The following ULK4 variants were observed in gnomAD, a reference collection of about 807,000 sequenced individuals.
The protein encoded by ULK4 is unc-51 like kinase 4.
ULK4 carries 133 observed loss-of-function variants against 160.6 expected under a neutral mutation model. The observed-to-expected ratio is 0.83, with a 90% CI of 0.72 to 0.96. ULK4 has a LOEUF of 0.96. Ranked by LOEUF, ULK4 falls within the 40% of genes least tolerant of loss-of-function variation. ULK4 has a pLI of 0.00. For missense variants in ULK4, 1,580 were observed against 1,499.5 expected (o/e 1.05, Z -0.89); for synonymous variants, 534 against 539.8 (o/e 0.99, Z 0.15).
At chr3:41,345,270 C>G (rs1005777127) in intron 35 of ULK4, among the ~76,000 whole-genome samples, 4 of 152,186 alleles carry the variant, frequency 2.6e-5, no homozygotes, top group Non-Finnish European at 5.9e-5. Flanking sequence ...AATCCCATTA[C>G]TGGATATATA....
At chr3:41,293,451 G>C (rs575693469) in intron 35 of ULK4, among the ~76,000 whole-genome samples, 3 of 152,220 alleles carry the variant, frequency 2.0e-5, no homozygotes, top group African/African-American at 4.8e-5. Context: ...CAGACCTTGA[G>C]ATATACATGA....
chr3:41,389,489 C>T (rs185387258), intron 35 of ULK4, among the ~76,000 whole-genome samples: 18 of 152,166 alleles, frequency 1.2e-4, no homozygotes, highest in East Asian at 9.7e-4. Flanking sequence ...GCCCATTCAG[C>T]ATGATATTGG....
At chr3:41,578,777 A>ACTC (rs1473247786) in intron 31 of ULK4, among the ~76,000 whole-genome samples, 1 of 152,232 alleles carries the variant, frequency 6.6e-6, no homozygotes, top group African/African-American at 2.4e-5. Flanking sequence ...TATGTGCTGG[A>ACTC]CAAGTGGGAA....
intron 32 of ULK4, among the ~76,000 whole-genome samples, chr3:41,472,933 T>C (rs1466422982): frequency 6.6e-6 from 1 of 152,124 alleles, no homozygotes; most frequent in Non-Finnish European, 1.5e-5. Context: ...TATGATCAAA[T>C]GAGATTTATC....
intron 4 of ULK4, among the ~76,000 whole-genome samples, chr3:41,934,325 G>A (rs1699692075): frequency 6.6e-6 from 1 of 152,158 alleles, no homozygotes; most frequent in Admixed American, 6.6e-5. Context: ...GGATTTTATG[G>A]AGTTTTCTTT....
intron 17 of ULK4, among the ~76,000 whole-genome samples, chr3:41,858,331 T>C (rs1413440204): frequency 1.8e-4 from 27 of 151,308 alleles, no homozygotes; most frequent in Non-Finnish European, 2.4e-4. Context: ...TTTGTATTTT[T>C]AGTAGGGACG....
At chr3:41,376,524 A>T (rs2081500413) in intron 35 of ULK4, among the ~76,000 whole-genome samples, 1 of 150,086 alleles carries the variant, frequency 6.7e-6, no homozygotes, top group African/African-American at 2.5e-5. Context: ...ATTTCAGCAA[A>T]GTCTCAGGAT....
At chr3:41,642,317 C>T (rs2034249202) in intron 30 of ULK4, among the ~76,000 whole-genome samples, 1 of 152,086 alleles carries the variant, frequency 6.6e-6, no homozygotes, top group East Asian at 1.9e-4. Context: ...TTAGGTATAT[C>T]TCCTAATGCT....
At chr3:41,761,811 G>A (rs952436213) in intron 21 of ULK4, among the ~76,000 whole-genome samples, 16 of 152,220 alleles carry the variant, frequency 1.1e-4, no homozygotes, top group South Asian at 1.0e-3. Context: ...CATGGTGGCT[G>A]AAACCTGTAA....
chr3:41,498,554 TAG>T (rs1280987804), intron 32 of ULK4, among the ~76,000 whole-genome samples: 1 of 148,208 alleles, frequency 6.7e-6, no homozygotes, highest in Non-Finnish European at 1.5e-5. Context: ...AGACAAACAT[TAG>T]AGAGCTTCTT....
chr3:41,770,400 G>T (rs556357032), intron 21 of ULK4, among the ~76,000 whole-genome samples: 71 of 152,042 alleles, frequency 4.7e-4, no homozygotes, highest in Middle Eastern at 3.4e-3. Context: ...CTGTAGGGCG[G>T]TAACCACTTG....
intron 35 of ULK4, among the ~76,000 whole-genome samples, chr3:41,300,837 TTATATATATATATATATATA>T (rs66602936): frequency 0.065 from 3,765 of 57,898 alleles, 189 homozygotes; most frequent in Middle Eastern, 0.14. Flanking sequence ...ATTTTACAGA[TTATATATATATATATATATA>T]TATATATATA....
chr3:41,384,789 T>C (rs1393094508), intron 35 of ULK4, among the ~76,000 whole-genome samples: 1 of 152,204 alleles, frequency 6.6e-6, no homozygotes, highest in Non-Finnish European at 1.5e-5. Context: ...TTCACCATGT[T>C]AGCCAGGTTG....
chr3:41,464,676 C>G (rs545285732), intron 32 of ULK4, among the ~76,000 whole-genome samples: 1 of 152,146 alleles, frequency 6.6e-6, no homozygotes, highest in Non-Finnish European at 1.5e-5. Flanking sequence ...GGTAAACATA[C>G]GCTGCAAGAC....
At chr3:41,902,710 A>G (rs1698420228) in intron 12 of ULK4, among the ~76,000 whole-genome samples, 2 of 152,158 alleles carry the variant, frequency 1.3e-5, no homozygotes, top group African/African-American at 4.8e-5. Flanking sequence ...TGGTAAAAAG[A>G]CAGAGGTAAA....
chr3:41,818,992 A>G (rs1396371127), intron 19 of ULK4, among the ~76,000 whole-genome samples: 3 of 152,246 alleles, frequency 2.0e-5, no homozygotes, highest in Non-Finnish European at 2.9e-5. Context: ...TATTAAAAGC[A>G]ATGGATACTA....
intron 34 of ULK4, among the ~76,000 whole-genome samples, chr3:41,421,995 C>T (rs1188756596): frequency 6.6e-6 from 1 of 151,800 alleles, no homozygotes; most frequent in Non-Finnish European, 1.5e-5. Context: ...TTGATAAGAA[C>T]TAATGGAATT....
chr3:41,676,554 G>C (rs2035721955), intron 29 of ULK4, among the ~76,000 whole-genome samples: 1 of 151,668 alleles, frequency 6.6e-6, no homozygotes, highest in Non-Finnish European at 1.5e-5. Flanking sequence ...TAATATTTCA[G>C]TAAACATTTT....
At chr3:41,538,855 G>A (rs2086600022) in intron 32 of ULK4, among the ~76,000 whole-genome samples, 1 of 151,906 alleles carries the variant, frequency 6.6e-6, no homozygotes, top group African/African-American at 2.4e-5. Context: ...ATGATGCTGT[G>A]TATGGTCTAT....
Sources: allele counts gnomAD v4.1 joint callset (sites outside exome capture counted in the v4.1 genomes callset), GRCh38; gene constraint gnomAD v4.1.1; transcripts MANE v1.5; gene names NCBI Gene and HGNC (gene_info 2026-07-23, HGNC 2026-07-21).